The following SGCZ variants were observed in gnomAD, a reference collection of about 807,000 sequenced individuals.
SGCZ encodes the protein sarcoglycan zeta.
Under a neutral mutation model 41.3 loss-of-function variants are expected in SGCZ, and 40 were observed. The ratio of observed to expected loss-of-function variants is 0.97; its 90% CI spans 0.75 to 1.26. The LOEUF (loss-of-function observed/expected upper bound fraction) is 1.26. Among genes scored for constraint, SGCZ ranks in the 50% most tolerant of loss-of-function variants. The pLI is 0.00. For synonymous variants in SGCZ, 206 were observed against 137.5 expected (o/e 1.50, Z -3.49); for missense variants, 552 against 369.8 (o/e 1.49, Z -4.04).
At chr8:14,481,006 T>C (rs960317056) in intron 2 of SGCZ, among the ~76,000 whole-genome samples, 1 of 152,040 alleles carries the variant, frequency 6.6e-6, no homozygotes, top group African/African-American at 2.4e-5. Flanking sequence ...TATTTATCAA[T>C]AGATGCTCTC....
chr8:14,999,886 G>C (rs1178692858), intron 1 of SGCZ, among the ~76,000 whole-genome samples: 1 of 152,152 alleles, frequency 6.6e-6, no homozygotes, highest in African/African-American at 2.4e-5. Flanking sequence ...AAGATCACTG[G>C]GATAACGTGT....
chr8:14,993,059 A>C (rs1309226804), intron 1 of SGCZ, among the ~76,000 whole-genome samples: 1 of 152,044 alleles, frequency 6.6e-6, no homozygotes, highest in African/African-American at 2.4e-5. Flanking sequence ...TCCCAAAACT[A>C]GTGTTAATCT....
intron 1 of SGCZ, among the ~76,000 whole-genome samples, chr8:15,083,990 A>AC (rs975873457): frequency 6.6e-6 from 1 of 152,076 alleles, no homozygotes; most frequent in Non-Finnish European, 1.5e-5. Flanking sequence ...CATTTTGCAA[A>AC]AAATTAATGT....
chr8:15,107,415 G>T (rs1330335256), intron 1 of SGCZ, among the ~76,000 whole-genome samples: 1 of 152,128 alleles, frequency 6.6e-6, no homozygotes, highest in African/African-American at 2.4e-5. Flanking sequence ...ACCTCCTTCA[G>T]GGTGAGAGGA....
chr8:14,763,707 A>G (rs1296405464), intron 1 of SGCZ, among the ~76,000 whole-genome samples: 1 of 152,216 alleles, frequency 6.6e-6, no homozygotes, highest in East Asian at 1.9e-4. Context: ...TGATGGCTTA[A>G]TATCTATCTA....
intron 1 of SGCZ, among the ~76,000 whole-genome samples, chr8:14,739,461 G>C (rs1799137631): frequency 6.6e-6 from 1 of 151,948 alleles, no homozygotes; most frequent in South Asian, 2.1e-4. Context: ...TTTAAGATTA[G>C]TTATCCAGAT....
At chr8:14,669,554 A>G (rs916902513) in intron 1 of SGCZ, among the ~76,000 whole-genome samples, 4 of 152,110 alleles carry the variant, frequency 2.6e-5, no homozygotes, top group Non-Finnish European at 4.4e-5. Flanking sequence ...GATTCCATAT[A>G]TAAGTAAGAT....
At chr8:14,729,810 C>T (rs1810172762) in intron 1 of SGCZ, among the ~76,000 whole-genome samples, 1 of 152,168 alleles carries the variant, frequency 6.6e-6, no homozygotes, top group Non-Finnish European at 1.5e-5. Flanking sequence ...TAAGGGAAGG[C>T]ATGGTGGCTC....
At chr8:14,090,971 A>G (rs554800383) in intron 7 of SGCZ, among the ~76,000 whole-genome samples, 1 of 151,900 alleles carries the variant, frequency 6.6e-6, no homozygotes, top group African/African-American at 2.4e-5. Flanking sequence ...TTCTTAAAAA[A>G]TCCCATAGAT....
rs1801445531 is a variant in SGCZ, at chr8:14,309,221, A to C, written c.336+14882T>G. 75 of 1,502,458 alleles carry C rather than the reference A, an allele frequency of 5.0e-5. No individual in the cohort carries two copies. The South Asian group carries it at 8.5e-4, about 17-fold the overall frequency. The allele number at this position is 1,502,458 out of a possible 1,614,324, so 93.1% of individuals were successfully genotyped here. Reference sequence around the variant, plus strand: ...GCTGCGGCTGATCTCTAAGTTTGATACTGTTGAAGACTTCTGGGCTCTGTA... The same window carrying C: ...GCTGCGGCTGATCTCTAAGTTTGATCCTGTTGAAGACTTCTGGGCTCTGTA... On this transcript the variant is annotated intron_variant, in intron 3 of 7. Coordinates refer to ENST00000382080, the MANE Select transcript of SGCZ (RefSeq NM_139167.4).
chr8:14,675,756 G>T (rs1316041829), intron 1 of SGCZ, among the ~76,000 whole-genome samples: 1 of 152,068 alleles, frequency 6.6e-6, no homozygotes, highest in Admixed American at 6.6e-5. Context: ...CATCTTTTCA[G>T]GGAAAATGGA....
At chr8:15,119,750 CT>C (rs912005429) in intron 1 of SGCZ, among the ~76,000 whole-genome samples, 2 of 152,108 alleles carry the variant, frequency 1.3e-5, no homozygotes, top group Admixed American at 6.6e-5. Flanking sequence ...TTCCTTCACT[CT>C]CCCATCACTA....
chr8:14,715,963 G>A (rs1364302497), intron 1 of SGCZ, among the ~76,000 whole-genome samples: 1 of 151,954 alleles, frequency 6.6e-6, no homozygotes, highest in East Asian at 1.9e-4. Flanking sequence ...TCACTAGAAA[G>A]AAAAACAATT....
Position 14,237,609 on chromosome 8 carries a change from G to C in SGCZ, c.407C>G (p.Thr136Ser), listed in dbSNP as rs750258920. The stretch of plus-strand genomic sequence containing the variant: ...ACACTCACCTATGGTCAGCTGTCCG[G>C]TTAACTGCCCCATGTGATTTCTTGC... ...VNARNHMGQL[T>S]GQLTIGADAV... is the part of the protein sequence containing the mutation. The change falls in exon 4 of 8, where the codon ACC (threonine) becomes AGC (serine). Residue 136 changes from threonine to serine, a missense_variant. Transcript: ENST00000382080. 1 of 1,613,830 alleles carries C rather than the reference G, an allele frequency of 6.2e-7. No homozygotes were observed. The highest frequency in any genetic ancestry group is 1.1e-5 in the South Asian group (1 of 91,082).
intron 2 of SGCZ, among the ~76,000 whole-genome samples, chr8:14,465,327 T>A (rs923900649): frequency 4.0e-5 from 6 of 151,766 alleles, no homozygotes; most frequent in African/African-American, 1.2e-4. Flanking sequence ...TGTCCTTTTC[T>A]TGTGGAACCT....
At chr8:15,030,053 G>C (rs2130956804) in intron 1 of SGCZ, among the ~76,000 whole-genome samples, 1 of 152,262 alleles carries the variant, frequency 6.6e-6, no homozygotes, top group Admixed American at 6.5e-5. Flanking sequence ...TTGTCAGAAA[G>C]CTAGCACTCT....
intron 1 of SGCZ, among the ~76,000 whole-genome samples, chr8:14,597,079 G>C (rs896793434): frequency 6.6e-6 from 1 of 152,118 alleles, no homozygotes; most frequent in Non-Finnish European, 1.5e-5. Flanking sequence ...AGTTAAACTA[G>C]AAGCAACTAT....
intron 1 of SGCZ, among the ~76,000 whole-genome samples, chr8:15,114,398 T>C (rs368178834): frequency 4.6e-5 from 7 of 152,336 alleles, no homozygotes; most frequent in Middle Eastern, 3.4e-3. Flanking sequence ...AGCCTGTGAT[T>C]AGTAATATCA....
At chr8:14,750,541 T>A (rs56306350) in intron 1 of SGCZ, among the ~76,000 whole-genome samples, 2,358 of 152,262 alleles carry the variant, frequency 0.015, 26 homozygotes, top group Non-Finnish European at 0.022. Flanking sequence ...ATATCAGGCA[T>A]TAATTTTCTT....
Sources: gnomAD v4.1 joint callset for allele counts (sites outside exome capture counted in the v4.1 genomes callset) on GRCh38, gnomAD v4.1.1 for gene constraint, MANE v1.5 for transcripts, NCBI Gene and HGNC (gene_info 2026-07-23, HGNC 2026-07-21) for gene names.